GNA15: variants seen among roughly 807,000 people sequenced by gnomAD.
GNA15 encodes G protein subunit alpha 15.
In GNA15, 23 loss-of-function variants were observed where a neutral mutation model predicts 40.1. That is an observed-to-expected ratio of 0.57 (90% CI 0.41 to 0.81). The LOEUF (loss-of-function observed/expected upper bound fraction) is 0.81, where lower values mean the gene tolerates loss of function less well. Among genes scored for constraint, GNA15 ranks in the 40% least tolerant of loss-of-function variants. The probability of loss-of-function intolerance (pLI) is 0.00; values close to 1 mark genes in which losing one functional copy is unlikely to be tolerated. For synonymous variants in GNA15, 226 were observed against 210.4 expected (o/e 1.07, Z -0.64); for missense variants, 522 against 515.8 (o/e 1.01, Z -0.12).
Position 3,136,370 on chromosome 19 carries a change from G to C in GNA15, c.-81G>C. On this transcript the variant is annotated 5_prime_UTR_variant, in exon 1 of 7. Transcript: ENST00000262958. The surrounding 1 kb of genome is among the most constrained non-coding windows in gnomAD (Gnocchi z 4.9). ...ACCCGGTTGCCCGGAGCCCTCTCCA[G>C]GGCCGGCTGGGCTGGGGGTTGCCCT... 6.9e-7 allele frequency: 1 copy of C among 1,440,688 alleles called. No individual in the cohort carries two copies. Among genetic ancestry groups the C allele is most frequent in the Non-Finnish European group, 9.3e-7 (1 of 1,077,742 alleles). 89.2% of individuals were successfully genotyped at this position (1,440,688 alleles called of 1,614,324 possible). A position where few individuals can be genotyped will look rare whatever the true frequency, so the allele number is the denominator to read the frequency against.
At chr19:3,160,193 A>G (rs563610286) in intron 6 of GNA15, among the ~76,000 whole-genome samples, 1 of 152,296 alleles carries the variant, frequency 6.6e-6, no homozygotes, top group Admixed American at 6.5e-5. Context: ...TAAACTTCCA[A>G]GATGGCTTCT....
chr19:3,140,044 A>AAAAAATCTATCTATCTATCTATCTATCT (rs71307196), intron 1 of GNA15, among the ~76,000 whole-genome samples: 1 of 124,054 alleles, frequency 8.1e-6, no homozygotes, highest in Non-Finnish European at 1.8e-5. Context: ...AAAAAAAAAA[A>AAAAAATCTATCTATCTATCTATCTATCT]ATCTATCTAT....
At position 3,136,572 on chromosome 19, in the gene GNA15, G is replaced by A. The variant is rs1336689193; in HGVS notation, c.122G>A (p.Gly41Glu). 1.3e-6 allele frequency: 2 copies of A among 1,564,454 alleles called. No individual in the cohort carries two copies. The highest frequency in any genetic ancestry group is 1.7e-6 in the Non-Finnish European group (2 of 1,154,810). Residue 41 changes from glycine to glutamate, a missense_variant, in exon 1 of 7, where the codon GGG becomes GAG. Transcript: ENST00000262958. The surrounding 1 kb of genome is among the most constrained non-coding windows in gnomAD (Gnocchi z 4.9). Reference protein sequence around the residue: ...ILLEQKKQDRGELKLLLLGPG... With the variant: ...ILLEQKKQDREELKLLLLGPG... Reference sequence around the variant, plus strand: ...TTGGAGCAGAAGAAGCAGGACCGCGGGGAGCTGAAGCTGCTGCTTTTGGGT... The same window carrying A: ...TTGGAGCAGAAGAAGCAGGACCGCGAGGAGCTGAAGCTGCTGCTTTTGGGT...
chr19:3,159,758 GTTTCTTTTAATTACATA>G (rs1915105150), intron 6 of GNA15, among the ~76,000 whole-genome samples: 1 of 152,150 alleles, frequency 6.6e-6, no homozygotes, highest in Admixed American at 6.6e-5. Flanking sequence ...TTTGCATAAC[GTTTCTTTTAATTACATA>G]TGAATCAAGA....
Position 3,148,476 on chromosome 19 carries a change from C to T in GNA15, c.146-115C>T, listed in dbSNP as rs535847895. 9.2e-6 allele frequency: 9 copies of T among 982,924 alleles called. No homozygotes were observed. In the Admixed American group the frequency reaches 1.7e-4, roughly 19 times the overall value. 60.9% of individuals were successfully genotyped at this position (982,924 alleles called of 1,614,324 possible). On this transcript the variant is annotated intron_variant, in intron 1 of 6. Transcript: ENST00000262958. ...TCACTGAGTGAGGTCCCGGCTGCAC[C>T]GGGGTTTGAACCCAGGAGGCCTGGC... is the stretch of plus-strand genomic sequence containing the variant.
In GNA15 at chr19:3,163,109, C is replaced by T; in HGVS notation, c.*90C>T. ...CCCCTAGTGTCCCTGGTCTATCTCT[C>T]CAGCCTCGGCCCACACGCAAGGGAG... is the stretch of plus-strand genomic sequence containing the variant. On this transcript the variant is annotated 3_prime_UTR_variant, in exon 7 of 7. Coordinates refer to ENST00000262958, the MANE Select transcript of GNA15 (RefSeq NM_002068.4). 1 of 798,512 alleles carries T rather than the reference C, an allele frequency of 1.3e-6. No homozygotes were observed. The highest frequency in any genetic ancestry group is 1.5e-5 in the South Asian group (1 of 66,690). The allele number at this position is 798,512 out of a possible 1,614,324, so 49.5% of individuals were successfully genotyped here.
At chr19:3,161,349 C>A (rs1449346575) in intron 6 of GNA15, among the ~76,000 whole-genome samples, 2 of 152,164 alleles carry the variant, frequency 1.3e-5, no homozygotes, top group Non-Finnish European at 2.9e-5. Context: ...TTGGGGGACA[C>A]TGTTCACCTC....
intron 6 of GNA15, among the ~76,000 whole-genome samples, chr19:3,161,145 T>C (rs1410058150): frequency 1.3e-5 from 2 of 152,098 alleles, no homozygotes; most frequent in Non-Finnish European, 2.9e-5. Context: ...GGTTTCGCCA[T>C]GTTGCCCAGG....
chr19:3,147,801 T>C (rs1043873803), intron 1 of GNA15, among the ~76,000 whole-genome samples: 15 of 139,694 alleles, frequency 1.1e-4, no homozygotes, highest in African/African-American at 3.8e-4. Flanking sequence ...GGCAGGAGAA[T>C]GGTGTGAACC....
At position 3,155,041 on chromosome 19, in the gene GNA15, T is replaced by A. The variant is rs1405051209; in HGVS notation, c.615-782T>A. The A allele has an allele frequency of 6.6e-6, 1 of 151,892 alleles. No homozygotes were observed. Among genetic ancestry groups the A allele is most frequent in the Non-Finnish European group, 1.5e-5 (1 of 67,974 alleles). 9.4% of individuals were successfully genotyped at this position (151,892 alleles called of 1,614,324 possible). A position where few individuals can be genotyped will look rare whatever the true frequency, so the allele number is the denominator to read the frequency against. ...ACCCTGTCTGGCTCTGGATGTGGGGTTTGAGGGACTCTGAGGATGCATGGG... is the reference window on the plus strand; with the variant it reads ...ACCCTGTCTGGCTCTGGATGTGGGGATTGAGGGACTCTGAGGATGCATGGG... On this transcript the variant is annotated intron_variant, in intron 4 of 6. Transcript: ENST00000262958. The surrounding 1 kb of genome is among the most constrained non-coding windows in gnomAD (Gnocchi z 5.6).
chr19:3,159,263 A>G (rs112891216), intron 6 of GNA15, among the ~76,000 whole-genome samples: 2,613 of 150,190 alleles, frequency 0.017, 78 homozygotes, highest in African/African-American at 0.06. Context: ...TGACCTCATG[A>G]TCCACCTGTC....
At chr19:3,159,714 T>C (rs11880825) in intron 6 of GNA15, among the ~76,000 whole-genome samples, 26,947 of 152,226 alleles carry the variant, frequency 0.18, 2,578 homozygotes, top group African/African-American at 0.2. Flanking sequence ...TGTAATACAA[T>C]GACCTTCTTT....
At chr19:3,157,375 A>C (rs1599330150) in intron 5 of GNA15, among the ~76,000 whole-genome samples, 1 of 151,930 alleles carries the variant, frequency 6.6e-6, no homozygotes, top group Non-Finnish European at 1.5e-5. Flanking sequence ...CACCTTAACG[A>C]CCTCTTCAAA....
In GNA15 at chr19:3,138,061, C is replaced by A. The variant is rs918935145; in HGVS notation, c.145+1466C>A. 2.0e-5 allele frequency among the ~76,000 whole-genome samples: 3 copies of A among 152,114 alleles called. No homozygotes were observed. In the South Asian group the frequency reaches 6.2e-4, roughly 32 times the overall value. ...GGCAGATCACTTGAGGCCAGGAGTTCGAAATCAGCCTGGTCAACGTGGCGA... is the reference window on the plus strand; with the variant it reads ...GGCAGATCACTTGAGGCCAGGAGTTAGAAATCAGCCTGGTCAACGTGGCGA... On this transcript the variant is annotated intron_variant, in intron 1 of 6. Coordinates refer to ENST00000262958, the MANE Select transcript of GNA15 (RefSeq NM_002068.4).
intron 4 of GNA15, among the ~76,000 whole-genome samples, chr19:3,153,577 A>G (rs1407302639): frequency 6.6e-6 from 1 of 150,506 alleles, no homozygotes; most frequent in Non-Finnish European, 1.5e-5. Context: ...GGGTGGATGG[A>G]TGGGTGAATG....
chr19:3,150,045 A>T, intron 2 of GNA15, 86 bp from the exon 3 acceptor site: 1 of 1,149,586 alleles, frequency 8.7e-7, no homozygotes, highest in Non-Finnish European at 1.3e-6. Context: ...TGTTTCAGGG[A>T]GGGACGTGGG....
At chr19:3,150,430 G>T in intron 3 of GNA15, 145 bp downstream of exon 3, 1 of 690,334 alleles carries the variant, frequency 1.4e-6, no homozygotes, top group African/African-American at 1.9e-5. Context: ...CTTCCAGGGG[G>T]ACCCTAATTC....
At chr19:3,144,943 C>T (rs1914675880) in intron 1 of GNA15, among the ~76,000 whole-genome samples, 1 of 151,932 alleles carries the variant, frequency 6.6e-6, no homozygotes, top group African/African-American at 2.4e-5. Context: ...ATTCTCCTGC[C>T]TCAGCCTCCT....
chr19:3,153,297 G>C (rs973805722), intron 4 of GNA15, among the ~76,000 whole-genome samples: 1 of 152,094 alleles, frequency 6.6e-6, no homozygotes. Context: ...GAATGGATGG[G>C]TGGATGAATG....
Sources: gnomAD v4.1 joint callset for allele counts (sites outside exome capture counted in the v4.1 genomes callset) on GRCh38, gnomAD v4.1.1 for gene constraint, Gnocchi (gnomAD v3.1) non-coding constraint, MANE v1.5 for transcripts, NCBI Gene and HGNC (gene_info 2026-07-23, HGNC 2026-07-21) for gene names.